HPSE2: variants seen among roughly 807,000 people sequenced by gnomAD.
HPSE2 encodes heparanase 2 (inactive).
In HPSE2, 38 loss-of-function variants were observed where a neutral mutation model predicts 60.5. The observed-to-expected ratio is 0.63, with a 90% CI of 0.48 to 0.82. The LOEUF is 0.82. Ranked by LOEUF, HPSE2 falls within the 40% of genes least tolerant of loss-of-function variation. HPSE2 has a pLI of 0.00. For synonymous variants in HPSE2, 295 were observed against 293.2 expected (o/e 1.01, Z -0.06); for missense variants, 713 against 740.4 (o/e 0.96, Z 0.43).
intron 3 of HPSE2, among the ~76,000 whole-genome samples, chr10:99,143,941 A>T (rs1845956963): frequency 6.6e-6 from 1 of 152,198 alleles, no homozygotes; most frequent in African/African-American, 2.4e-5. Flanking sequence ...CTGCTTCTTA[A>T]AAGACACCAA....
chr10:98,730,795 C>T (rs370726543), intron 4 of HPSE2, among the ~76,000 whole-genome samples: 6 of 152,094 alleles, frequency 3.9e-5, no homozygotes, highest in Admixed American at 3.3e-4. Context: ...ATAACAACAA[C>T]GAAAACCCAT....
intron 2 of HPSE2, among the ~76,000 whole-genome samples, chr10:99,154,595 G>A (rs891923879): frequency 2.6e-5 from 4 of 151,618 alleles, no homozygotes. Flanking sequence ...AACAGCTCCT[G>A]AAGGAAGCGC....
At chr10:99,259,917 G>T in the HPSE2 span, among the ~76,000 whole-genome samples, 1 of 152,328 alleles carries the variant, frequency 6.6e-6, no homozygotes, top group Non-Finnish European at 1.5e-5. Context: ...AATGCCTCAT[G>T]ATCTGAGGTG....
intron 9 of HPSE2, among the ~76,000 whole-genome samples, chr10:98,550,263 C>T (rs1943819640): frequency 6.7e-6 from 1 of 148,940 alleles, no homozygotes; most frequent in Non-Finnish European, 1.5e-5. Flanking sequence ...CTCAGGGTAG[C>T]CCTTCCATCC....
intron 9 of HPSE2, among the ~76,000 whole-genome samples, chr10:98,526,637 G>T (rs1252200566): frequency 2.0e-5 from 3 of 152,296 alleles, no homozygotes; most frequent in African/African-American, 4.8e-5. Flanking sequence ...ACAGAACATG[G>T]TCATCATTAA....
chr10:98,958,440 G>C (rs773939913), intron 3 of HPSE2, among the ~76,000 whole-genome samples: 1 of 151,988 alleles, frequency 6.6e-6, no homozygotes, highest in Non-Finnish European at 1.5e-5. Flanking sequence ...GTTGAACTTT[G>C]ATTAAATGAA....
chr10:99,037,149 T>C (rs1017869488), intron 3 of HPSE2, among the ~76,000 whole-genome samples: 3 of 152,116 alleles, frequency 2.0e-5, no homozygotes, highest in Admixed American at 1.3e-4. Flanking sequence ...TTGGCTAGTA[T>C]TCTTTGAAAC....
At chr10:99,147,039 T>C (rs1846082148) in intron 2 of HPSE2, among the ~76,000 whole-genome samples, 1 of 152,224 alleles carries the variant, frequency 6.6e-6, no homozygotes, top group African/African-American at 2.4e-5. Flanking sequence ...AAGTCATTAA[T>C]AGTTAACTGT....
chr10:98,980,793 G>T (rs570649381), intron 3 of HPSE2, among the ~76,000 whole-genome samples: 2 of 152,232 alleles, frequency 1.3e-5, no homozygotes, highest in South Asian at 2.1e-4. Flanking sequence ...AATTTCATAT[G>T]ATCAAATCTA....
chr10:99,209,010 TA>T (rs1355661216), intron 2 of HPSE2, among the ~76,000 whole-genome samples: 1 of 152,110 alleles, frequency 6.6e-6, no homozygotes, highest in Non-Finnish European at 1.5e-5. Context: ...AAGCAAAAAT[TA>T]ATAGATCTCA....
chr10:98,526,355 T>A (rs948732087), intron 9 of HPSE2, among the ~76,000 whole-genome samples: 4 of 152,244 alleles, frequency 2.6e-5, no homozygotes, highest in African/African-American at 9.6e-5. Context: ...TTTACACAAA[T>A]GTCATTCCTC....
chr10:98,839,906 C>G (rs578067508), intron 3 of HPSE2, among the ~76,000 whole-genome samples: 1 of 152,270 alleles, frequency 6.6e-6, no homozygotes, highest in South Asian at 2.1e-4. Context: ...TTAAGATAAT[C>G]TTTGAGAAGC....
At chr10:99,111,929 A>G (rs1844478380) in intron 3 of HPSE2, among the ~76,000 whole-genome samples, 1 of 152,232 alleles carries the variant, frequency 6.6e-6, no homozygotes, top group African/African-American at 2.4e-5. Context: ...TAAATATTGT[A>G]CATATTGAAG....
chr10:98,648,370 T>C (rs971160669), intron 6 of HPSE2, among the ~76,000 whole-genome samples: 3 of 152,140 alleles, frequency 2.0e-5, no homozygotes, highest in African/African-American at 7.2e-5. Context: ...CCTCTAAAAA[T>C]TTTCAGAATA....
At chr10:98,519,840 T>G (rs1182464197) in intron 9 of HPSE2, among the ~76,000 whole-genome samples, 1 of 152,178 alleles carries the variant, frequency 6.6e-6, no homozygotes, top group Admixed American at 6.5e-5. Context: ...CCCAGACCCC[T>G]CCAGGAAAGC....
intron 4 of HPSE2, among the ~76,000 whole-genome samples, chr10:98,723,279 T>C (rs1356491095): frequency 6.6e-6 from 1 of 152,228 alleles, no homozygotes; most frequent in Non-Finnish European, 1.5e-5. Flanking sequence ...CTGATTTTTG[T>C]ATGTTGAACC....
At chr10:99,068,343 A>G (rs1175460350) in intron 3 of HPSE2, among the ~76,000 whole-genome samples, 1 of 152,216 alleles carries the variant, frequency 6.6e-6, no homozygotes, top group Non-Finnish European at 1.5e-5. Flanking sequence ...GGTAATTTGC[A>G]AAGGAAGGAG....
chr10:98,521,766 T>C (rs1279264287), intron 9 of HPSE2, among the ~76,000 whole-genome samples: 2 of 152,072 alleles, frequency 1.3e-5, no homozygotes, highest in Admixed American at 1.3e-4. Flanking sequence ...TGGATTAAGA[T>C]ATGTGGCACA....
chr10:98,845,482 A>G (rs1221518219), intron 3 of HPSE2, among the ~76,000 whole-genome samples: 1 of 152,252 alleles, frequency 6.6e-6, no homozygotes, highest in Non-Finnish European at 1.5e-5. Context: ...ACATGTGAGT[A>G]TAAAGTAATG....
Sources: gnomAD v4.1 joint callset for allele counts (sites outside exome capture counted in the v4.1 genomes callset) on GRCh38, gnomAD v4.1.1 for gene constraint, MANE v1.5 for transcripts, NCBI Gene and HGNC (gene_info 2026-07-23, HGNC 2026-07-21) for gene names.